Variants in MYO3B observed in about 807,000 individuals in gnomAD.
MYO3B encodes myosin-IIIb.
In MYO3B, 156 loss-of-function variants were observed where a neutral mutation model predicts 174.6. The ratio of observed to expected loss-of-function variants is 0.89; its 90% CI spans 0.78 to 1.02. The LOEUF is 1.02. Among genes scored for constraint, MYO3B ranks in the 50% least tolerant of loss-of-function variants. The probability of loss-of-function intolerance (pLI) is 0.00; values close to 1 mark genes in which losing one functional copy is unlikely to be tolerated. For missense variants in MYO3B, 1,632 were observed against 1,639.4 expected, an observed-to-expected ratio of 1.00 and a Z score of 0.08; for synonymous variants, 563 against 569.1, an observed-to-expected ratio of 0.99 and a Z score of 0.15.
intron 7 of MYO3B, among the ~76,000 whole-genome samples, chr2:170,284,578 A>G (rs2093540166): frequency 6.6e-6 from 1 of 152,160 alleles, no homozygotes; most frequent in Non-Finnish European, 1.5e-5. Flanking sequence ...GCGAATGAAA[A>G]TTTTGGAAAA....
intron 22 of MYO3B, among the ~76,000 whole-genome samples, chr2:170,424,045 G>A (rs919290820): frequency 2.0e-5 from 3 of 152,184 alleles, no homozygotes; most frequent in Admixed American, 2.0e-4. Flanking sequence ...CAAAAAGCGT[G>A]GGGAAGGAAC....
intron 28 of MYO3B, 87 bp downstream of exon 28, chr2:170,501,952 A>T: frequency 1.1e-6 from 1 of 935,462 alleles, no homozygotes; most frequent in South Asian, 1.5e-5. Flanking sequence ...AAGGTTAATA[A>T]TTCAGGAGCA....
intron 32 of MYO3B, among the ~76,000 whole-genome samples, chr2:170,584,069 C>T (rs1173590106): frequency 6.6e-6 from 1 of 152,182 alleles, no homozygotes; most frequent in Non-Finnish European, 1.5e-5. Context: ...TGGATCAAAA[C>T]AAAAATATAG....
chr2:170,594,826 C>T (rs927525322), intron 32 of MYO3B, among the ~76,000 whole-genome samples: 9 of 117,006 alleles, frequency 7.7e-5, no homozygotes, highest in African/African-American at 1.3e-4. Flanking sequence ...TCCCAGCGCG[C>T]GCACACACAC....
intron 22 of MYO3B, among the ~76,000 whole-genome samples, chr2:170,439,189 G>A (rs560358465): frequency 1.3e-5 from 2 of 150,828 alleles, no homozygotes; most frequent in South Asian, 2.1e-4. Flanking sequence ...TGGCTAACAC[G>A]GTGAAAACCC....
chr2:170,598,603 C>T (rs1158338230), intron 32 of MYO3B, among the ~76,000 whole-genome samples: 1 of 152,124 alleles, frequency 6.6e-6, no homozygotes. Context: ...GGCTACAGGC[C>T]ACAGACCCGA....
At chr2:170,378,902 T>A (rs550200164) in intron 9 of MYO3B, among the ~76,000 whole-genome samples, 1 of 152,230 alleles carries the variant, frequency 6.6e-6, no homozygotes, top group Non-Finnish European at 1.5e-5. Flanking sequence ...ATTGGTTCAG[T>A]GGTATTTTGA....
intron 32 of MYO3B, among the ~76,000 whole-genome samples, chr2:170,604,418 T>C (rs1342201620): frequency 6.6e-6 from 1 of 152,164 alleles, no homozygotes; most frequent in African/African-American, 2.4e-5. Flanking sequence ...TTTTGTGCTA[T>C]TTAACTTTTT....
At chr2:170,579,451 C>T (rs942621012) in intron 32 of MYO3B, among the ~76,000 whole-genome samples, 2 of 152,140 alleles carry the variant, frequency 1.3e-5, no homozygotes, top group African/African-American at 4.8e-5. Context: ...GTTGCAACCC[C>T]CACCATTCCT....
rs2094418958 is a variant in MYO3B at position 170,392,505 on chromosome 2, G to A, written c.1791+10G>A. 2 of 1,476,402 alleles carry A rather than the reference G, an allele frequency of 1.4e-6. No homozygotes were observed. The highest frequency in any genetic ancestry group is 1.8e-6 in the Non-Finnish European group (2 of 1,086,140). 91.5% of individuals were successfully genotyped at this position (1,476,402 alleles called of 1,614,324 possible). A position where few individuals can be genotyped will look rare whatever the true frequency, so the allele number is the denominator to read the frequency against. On this transcript the variant is annotated intron_variant, in intron 16 of 34. Coordinates refer to ENST00000408978, the MANE Select transcript of MYO3B (RefSeq NM_138995.5). ...AGGGTTCACGGACAAAGTAAGTGATGATCAAGAGAGGAACTCAAGTGACAA... is the reference window on the plus strand; with the variant it reads ...AGGGTTCACGGACAAAGTAAGTGATAATCAAGAGAGGAACTCAAGTGACAA...
intron 32 of MYO3B, among the ~76,000 whole-genome samples, chr2:170,648,585 T>C (rs1171138563): frequency 2.0e-5 from 3 of 148,372 alleles, no homozygotes; most frequent in African/African-American, 7.4e-5. Context: ...ATCGTGCCAC[T>C]GCACTCTAGC....
At chr2:170,400,791 T>C (rs1228329667) in intron 17 of MYO3B, among the ~76,000 whole-genome samples, 1 of 152,066 alleles carries the variant, frequency 6.6e-6, no homozygotes, top group Non-Finnish European at 1.5e-5. Context: ...GCAAGTATTC[T>C]GCAGAAAAGA....
At chr2:170,217,772 A>T (rs1048221759) in intron 6 of MYO3B, among the ~76,000 whole-genome samples, 1 of 152,222 alleles carries the variant, frequency 6.6e-6, no homozygotes, top group Admixed American at 6.5e-5. Flanking sequence ...TTTCAGCACC[A>T]ACTGGCCTAC....
chr2:170,540,363 G>A (rs1333456808), intron 30 of MYO3B, among the ~76,000 whole-genome samples: 1 of 152,100 alleles, frequency 6.6e-6, no homozygotes, highest in Non-Finnish European at 1.5e-5. Context: ...TCAGCAGTAT[G>A]TAACATGCTT....
At chr2:170,550,208 G>A (rs1690788690) in intron 32 of MYO3B, among the ~76,000 whole-genome samples, 1 of 152,178 alleles carries the variant, frequency 6.6e-6, no homozygotes. Context: ...GTAAAACTTG[G>A]TAAAGTCTTA....
At chr2:170,363,368 A>G (rs17425425) in intron 8 of MYO3B, among the ~76,000 whole-genome samples, 30,319 of 152,048 alleles carry the variant, frequency 0.2, 3,325 homozygotes, top group Middle Eastern at 0.27. Flanking sequence ...ATTCATTGGT[A>G]AACAACAGTC....
intron 30 of MYO3B, among the ~76,000 whole-genome samples, chr2:170,540,669 A>C (rs1043756841): frequency 5.3e-5 from 8 of 150,392 alleles, no homozygotes; most frequent in African/African-American, 1.8e-4. Flanking sequence ...AAACAACAAA[A>C]AAAACAAAAA....
chr2:170,196,314 G>A (rs2092599659), intron 1 of MYO3B, among the ~76,000 whole-genome samples: 1 of 152,130 alleles, frequency 6.6e-6, no homozygotes, highest in Admixed American at 6.6e-5. Flanking sequence ...TGAGACTAGC[G>A]TGGGCAACAC....
chr2:170,546,060 C>T (rs572839993), intron 32 of MYO3B, among the ~76,000 whole-genome samples: 30 of 152,256 alleles, frequency 2.0e-4, no homozygotes, highest in East Asian at 7.7e-4. Context: ...CTCTATTCTC[C>T]GAACATGCCT....
Sources: gnomAD v4.1 joint callset for allele counts (sites outside exome capture counted in the v4.1 genomes callset) on GRCh38, gnomAD v4.1.1 for gene constraint, MANE v1.5 for transcripts, NCBI Gene and HGNC (gene_info 2026-07-23, HGNC 2026-07-21) for gene names.